Variants in TEX11 observed in about 807,000 individuals in gnomAD.
TEX11 encodes testis-expressed protein 11.
A neutral mutation model predicts 84.4 loss-of-function variants in TEX11; 7 were observed. That is an observed-to-expected ratio of 0.08 (90% confidence interval 0.05 to 0.16). TEX11 has a LOEUF of 0.16. TEX11 is among the 10% of genes least tolerant of loss of function. The probability of loss-of-function intolerance (pLI) is 1.00; values close to 1 mark genes in which losing one functional copy is unlikely to be tolerated. For missense variants in TEX11, 551 were observed against 660.5 expected (o/e 0.83, Z 1.82); for synonymous variants, 264 against 222.8 (o/e 1.18, Z -1.64).
intron 9 of TEX11, among the ~76,000 whole-genome samples, chrX:70,752,524 C>CA (rs753939405): frequency 0.092 from 2,574 of 27,858 alleles, 175 homozygotes; most frequent in Admixed American, 0.2. Flanking sequence ...TACTCTGTCT[C>CA]AAAAAAAAAA....
chrX:70,722,805 T>C lies in TEX11; in HGVS notation c.926-109A>G, dbSNP rs937814296. ...ATCTACTTACTAAATGTTTGCCATA[T>C]ACCATGTTTTGCCTAAAAATTTATC... On this transcript the variant is annotated intron_variant, in intron 12 of 29. Coordinates refer to ENST00000374333, the MANE Select transcript of TEX11 (RefSeq NM_031276.3). 2.4e-5 allele frequency: 14 copies of C among 588,611 alleles called. No individual in the cohort carries two copies. The African/African-American group carries it at 3.0e-4, about 13-fold the overall frequency. 48.5% of individuals were successfully genotyped at this position (588,611 alleles called of 1,213,427 possible).
chrX:70,856,260 T>A (rs1283205159), intron 5 of TEX11, among the ~76,000 whole-genome samples: 1 of 110,837 alleles, frequency 9.0e-6, no homozygotes, highest in Non-Finnish European at 1.9e-5. Context: ...GGGGAAAAAA[T>A]CAGGTGAAGA....
intron 7 of TEX11, among the ~76,000 whole-genome samples, chrX:70,839,187 T>C (rs1055433253): frequency 2.7e-5 from 3 of 110,525 alleles, no homozygotes; most frequent in African/African-American, 9.9e-5. Flanking sequence ...ACGGGCAGAC[T>C]GCCTCCTCAA....
intron 24 of TEX11, among the ~76,000 whole-genome samples, chrX:70,604,134 CT>C (rs1260035097): frequency 1.8e-5 from 2 of 111,558 alleles, no homozygotes; most frequent in Non-Finnish European, 3.8e-5. Context: ...AATGATTGTA[CT>C]TAAGAGTTTG....
At chrX:70,801,657 CTTTCTT>C (rs1569444929) in intron 9 of TEX11, among the ~76,000 whole-genome samples, 1 of 93,464 alleles carries the variant, frequency 1.1e-5, no homozygotes, top group Non-Finnish European at 2.1e-5. Context: ...TTCTTTCTTT[CTTTCTT>C]TCTTTCTTTC....
chrX:70,772,999 A>T lies in TEX11; in HGVS notation c.693-28780T>A, dbSNP rs376661308. Among the ~76,000 whole-genome samples the T allele has an allele frequency of 3.3e-4, 37 of 110,714 alleles. 2 individuals carry two copies. The highest frequency in any genetic ancestry group is 2.6e-3 in the Admixed American group (27 of 10,352). On this transcript the variant is annotated intron_variant, in intron 9 of 29. Transcript: ENST00000374333. ...AAGCCTATGGAATTTATGGGACTCC[A>T]TAAAGGAAAACAAACAAGCAACAAC...
At chrX:70,579,200 G>T (rs968549551) in intron 25 of TEX11, among the ~76,000 whole-genome samples, 2 of 110,239 alleles carry the variant, frequency 1.8e-5, no homozygotes, top group Admixed American at 1.9e-4. Flanking sequence ...TTTAAATCAA[G>T]AAACTGGGCC....
chrX:70,571,455 C>T (rs2088597481), intron 25 of TEX11, among the ~76,000 whole-genome samples: 1 of 112,300 alleles, frequency 8.9e-6, no homozygotes, highest in South Asian at 3.7e-4. Context: ...CAATTTTCAA[C>T]CCTTAATCTT....
intron 15 of TEX11, among the ~76,000 whole-genome samples, chrX:70,677,839 G>T (rs1386811945): frequency 3.6e-5 from 3 of 83,065 alleles, no homozygotes; most frequent in African/African-American, 4.8e-5. Flanking sequence ...TTTTGAGATG[G>T]AGTCTTGCTC....
At chrX:70,849,708 T>C (rs1454751052) in intron 7 of TEX11, among the ~76,000 whole-genome samples, 2 of 111,930 alleles carry the variant, frequency 1.8e-5, no homozygotes, top group African/African-American at 6.5e-5. Context: ...AAAAATTAAC[T>C]TAGAGCAAAA....
chrX:70,826,732 A>G (rs1302281333), intron 8 of TEX11, among the ~76,000 whole-genome samples: 1 of 111,637 alleles, frequency 9.0e-6, no homozygotes, highest in East Asian at 2.8e-4. Flanking sequence ...CCTTAGCCAC[A>G]GGAGAATTAC....
chrX:70,647,304 G>A (rs775960873), intron 17 of TEX11, among the ~76,000 whole-genome samples: 2 of 111,606 alleles, frequency 1.8e-5, no homozygotes, highest in East Asian at 2.8e-4. Flanking sequence ...TGAGCAGAAG[G>A]AACAAGTTCA....
chrX:70,868,992 T>C (rs1210833691), intron 4 of TEX11, among the ~76,000 whole-genome samples: 2 of 105,172 alleles, frequency 1.9e-5, no homozygotes, highest in African/African-American at 3.6e-5. Flanking sequence ...TGTATACCTA[T>C]GTAACAAGCC....
chrX:70,532,003 G>A (rs969682015), intron 28 of TEX11, among the ~76,000 whole-genome samples: 8 of 111,028 alleles, frequency 7.2e-5, no homozygotes, highest in African/African-American at 2.6e-4. Context: ...ATGTAGGATG[G>A]AGCTTCCTAA....
At chrX:70,861,777 T>G (rs992756938) in intron 4 of TEX11, among the ~76,000 whole-genome samples, 2 of 109,360 alleles carry the variant, frequency 1.8e-5, no homozygotes, top group Non-Finnish European at 3.8e-5. Flanking sequence ...CAGAGAGATA[T>G]TTAATACTTA....
At chrX:70,714,098 G>T (rs773551920) in intron 13 of TEX11, among the ~76,000 whole-genome samples, 1 of 111,488 alleles carries the variant, frequency 9.0e-6, no homozygotes, top group Non-Finnish European at 1.9e-5. Flanking sequence ...GTAGTTGAGC[G>T]GTTTTGAGTG....
chrX:70,744,729 G>A (rs187259886), intron 9 of TEX11, among the ~76,000 whole-genome samples: 1 of 109,755 alleles, frequency 9.1e-6, no homozygotes, highest in African/African-American at 3.3e-5. Flanking sequence ...AGTTATTTTC[G>A]AGATGGAGTC....
chrX:70,695,294 TA>T (rs1296242025), intron 13 of TEX11, among the ~76,000 whole-genome samples: 10 of 111,839 alleles, frequency 8.9e-5, no homozygotes, highest in Admixed American at 2.9e-4. Flanking sequence ...TACTCAGCAA[TA>T]AAAAAGTATA....
rs767062224 is a variant in TEX11 at position 70,723,697 on chromosome X, G to A, written c.926-1001C>T. ...CTTCTAGTGGATGGTAGGACCATGA[G>A]AATTTTTAGTATTTTCCAAAAATGT... On this transcript the variant is annotated intron_variant, in intron 12 of 29. Transcript: ENST00000374333. Among the ~76,000 whole-genome samples, 4 of 111,508 alleles carry A rather than the reference G, an allele frequency of 3.6e-5. 1 individual carries two copies. In the South Asian group the frequency reaches 1.1e-3, roughly 31 times the overall value.
Sources: allele counts gnomAD v4.1 joint callset (sites outside exome capture counted in the v4.1 genomes callset), GRCh38; gene constraint gnomAD v4.1.1; transcripts MANE v1.5; gene names NCBI Gene and HGNC (gene_info 2026-07-23, HGNC 2026-07-21).